Variants in NEMF observed in about 807,000 individuals in gnomAD.
NEMF encodes the protein nuclear export mediator factor, also known as ribosome quality control complex subunit NEMF.
In NEMF, 89 loss-of-function variants were observed where a neutral mutation model predicts 162.2. The observed-to-expected ratio is 0.55, with a 90% confidence interval of 0.46 to 0.65. The LOEUF (loss-of-function observed/expected upper bound fraction) is 0.65, where lower values mean the gene tolerates loss of function less well. NEMF is among the 30% of genes least tolerant of loss of function. NEMF has a pLI of 0.00. For missense variants in NEMF, 1,133 were observed against 1,261.9 expected (o/e 0.90, Z 1.55); for synonymous variants, 421 against 404.5 (o/e 1.04, Z -0.49).
Position 49,800,700 on chromosome 14 carries a change from T to A in NEMF, c.2096-4A>T. ...TCACTGCTCGTGTCACCTCCATCTG[T>A]AGAATTATCATAAGGAAAGTCAGTG... On this transcript the variant is annotated splice_region_variant and splice_polypyrimidine_tract_variant and intron_variant, in intron 22 of 32. Transcript: ENST00000298310. 6.2e-7 allele frequency: 1 copy of A among 1,610,360 alleles called. No homozygotes were observed. The highest frequency in any genetic ancestry group is 8.5e-7 in the Non-Finnish European group (1 of 1,178,234).
At chr14:49,806,293 G>A (rs1170436368) in intron 18 of NEMF, among the ~76,000 whole-genome samples, 160 bp from the exon 19 acceptor site, 1 of 69,230 alleles carries the variant, frequency 1.4e-5, no homozygotes, top group East Asian at 5.3e-4. Context: ...ATGGAGTTTC[G>A]CTCTGTTGTT....
intron 16 of NEMF, among the ~76,000 whole-genome samples, chr14:49,817,169 G>A (rs1368285681): frequency 1.3e-5 from 2 of 152,204 alleles, no homozygotes; most frequent in Admixed American, 6.5e-5. Context: ...CAGGCCAGGC[G>A]CGGTGGCTTA....
chr14:49,800,754 C>T (rs1890916322), intron 22 of NEMF, 58 bp from the exon 23 acceptor site: 2 of 1,475,070 alleles, frequency 1.4e-6, no homozygotes, highest in Admixed American at 4.1e-5. Flanking sequence ...CAGGTGATTT[C>T]CTAAAAATGT....
Position 49,789,566 on chromosome 14 carries a change from A to C in NEMF, c.2627T>G (p.Met876Arg). The C allele has an allele frequency of 6.2e-7, 1 of 1,608,390 alleles. No individual in the cohort carries two copies. Among genetic ancestry groups the C allele is most frequent in the Non-Finnish European group, 8.5e-7 (1 of 1,178,768 alleles). The part of the protein sequence containing the change: ...QPMKRGQKSK[M>R]KKMKEKYKDQ... ...TTTGTATTTTTCTTTCATTTTTTTCATTTTACTCTACAAAATCAGAAGATT... is the reference window on the plus strand; with the variant it reads ...TTTGTATTTTTCTTTCATTTTTTTCCTTTTACTCTACAAAATCAGAAGATT... The change falls in exon 27 of 33, where the codon ATG (methionine) becomes AGG (arginine). Residue 876 changes from methionine to arginine, a missense_variant. Met to Arg is a moderately conservative substitution (Grantham distance 91). Coordinates refer to ENST00000298310, the MANE Select transcript of NEMF (RefSeq NM_004713.6).
Position 49,789,310 on chromosome 14 carries a change from T to A in NEMF, c.2731A>T (p.Lys911Ter). 1.2e-6 allele frequency: 2 copies of A among 1,614,196 alleles called. No individual in the cohort carries two copies. Among genetic ancestry groups the A allele is most frequent in the South Asian group, 1.1e-5 (1 of 91,078 alleles). ...AGSNKEEKGK[K>*]GKKGKTKDEP... ...TCCTTTGTTTTTCCTTTCTTCCCCTTCTTCCCTTTTTCTTCTTTGTTTGAA... is the reference window on the plus strand; with the variant it reads ...TCCTTTGTTTTTCCTTTCTTCCCCTACTTCCCTTTTTCTTCTTTGTTTGAA... The change falls in exon 28 of 33, where the codon AAG becomes TAG. Residue 911 changes from lysine (K) to a stop codon, truncating the protein, a stop_gained. Transcript: ENST00000298310. LOFTEE classifies it high-confidence loss of function.
At chr14:49,808,733 TA>T (rs1249177312) in intron 18 of NEMF, among the ~76,000 whole-genome samples, 1 of 151,082 alleles carries the variant, frequency 6.6e-6, no homozygotes, top group African/African-American at 2.4e-5. Context: ...ATACTACCGT[TA>T]AAAAGTTAAG....
intron 3 of NEMF, among the ~76,000 whole-genome samples, chr14:49,851,209 C>T (rs1484931082): frequency 6.6e-6 from 1 of 151,874 alleles, no homozygotes; most frequent in Admixed American, 6.6e-5. Context: ...TTCTCAAAAA[C>T]GAACAAAAAA....
In NEMF at chr14:49,800,413, T is replaced by A. The variant is rs1405669962; in HGVS notation, c.2372+7A>T. 6.3e-7 allele frequency: 1 copy of A among 1,582,030 alleles called. No homozygotes were observed. The highest frequency in any genetic ancestry group is 1.4e-5 in the African/African-American group (1 of 73,276). On this transcript the variant is annotated splice_region_variant and intron_variant, in intron 23 of 32. Coordinates refer to ENST00000298310, the MANE Select transcript of NEMF (RefSeq NM_004713.6). ...CAATAATATGTAAAATTTTATTTTT[T>A]AATTACCTTTGGGGTTGAAGGTGAG...
At chr14:49,849,686 G>T (rs1893678783) in intron 3 of NEMF, 1 of 152,096 alleles carries the variant, frequency 6.6e-6, no homozygotes, top group South Asian at 2.1e-4. Flanking sequence ...TATTTCATTG[G>T]CCTGTTACCT....
intron 14 of NEMF, 79 bp downstream of exon 14, chr14:49,828,537 A>T: frequency 2.4e-6 from 3 of 1,254,250 alleles, no homozygotes; most frequent in Non-Finnish European, 3.3e-6. Flanking sequence ...AGTGAAATTT[A>T]AAATTTTTTA....
chr14:49,849,326 T>G (rs1220154555), intron 3 of NEMF, among the ~76,000 whole-genome samples: 1 of 152,034 alleles, frequency 6.6e-6, no homozygotes, highest in Non-Finnish European at 1.5e-5. Context: ...TCATGGAGAG[T>G]ACAGATGGAC....
At chr14:49,835,979 T>C (rs141950542) in intron 6 of NEMF, among the ~76,000 whole-genome samples, 1 of 152,318 alleles carries the variant, frequency 6.6e-6, no homozygotes, top group East Asian at 1.9e-4. Context: ...TCTCTCTTCA[T>C]AGAAGACTCA....
intron 28 of NEMF, among the ~76,000 whole-genome samples, chr14:49,788,166 C>A (rs544874279): frequency 7.9e-5 from 12 of 151,246 alleles, no homozygotes; most frequent in African/African-American, 2.7e-4. Flanking sequence ...GTAATCCCAG[C>A]TACTCAGAAG....
intron 5 of NEMF, among the ~76,000 whole-genome samples, chr14:49,840,191 G>T (rs1248957855): frequency 6.6e-6 from 1 of 152,154 alleles, no homozygotes; most frequent in Non-Finnish European, 1.5e-5. Flanking sequence ...ACCGAGCACA[G>T]TGGCTCATGC....
intron 18 of NEMF, 99 bp downstream of exon 18, chr14:49,813,889 C>G: frequency 1.4e-6 from 1 of 716,732 alleles, no homozygotes; most frequent in Non-Finnish European, 2.5e-6. Context: ...CAGGCATGAG[C>G]CACCACATCT....
rs117155489 is a variant in NEMF at position 49,820,475 on chromosome 14, G to C, written c.1577+5392C>G. 9 of 456,632 alleles carry C rather than the reference G, an allele frequency of 2.0e-5. No individual in the cohort carries two copies. In the East Asian group the frequency reaches 5.6e-4, roughly 28 times the overall value. 28.3% of individuals were successfully genotyped at this position (456,632 alleles called of 1,614,324 possible). On this transcript the variant is annotated intron_variant, in intron 16 of 32. Transcript: ENST00000298310. ...TCAGATTCTGAAAGTATTGTATCAA[G>C]AGCTAATAATCGGCTGGGCGCGGTG...
At chr14:49,795,605 C>G (rs896210392) in intron 26 of NEMF, among the ~76,000 whole-genome samples, 186 bp downstream of exon 26, 1 of 152,208 alleles carries the variant, frequency 6.6e-6, no homozygotes, top group Non-Finnish European at 1.5e-5. Flanking sequence ...TCTTGAAAGT[C>G]TAAAGAACTT....
At chr14:49,810,584 AG>A (rs1255934888) in intron 18 of NEMF, among the ~76,000 whole-genome samples, 3 of 152,164 alleles carry the variant, frequency 2.0e-5, no homozygotes, top group African/African-American at 7.2e-5. Context: ...AGGAAACATG[AG>A]TCCTTCAAAA....
chr14:49,810,459 C>T (rs762370969), intron 18 of NEMF, among the ~76,000 whole-genome samples: 22 of 152,136 alleles, frequency 1.4e-4, no homozygotes, highest in Non-Finnish European at 3.1e-4. Context: ...AATTAACTGA[C>T]CATAAACTAC....
Sources: gnomAD v4.1 joint callset for allele counts (sites outside exome capture counted in the v4.1 genomes callset) on GRCh38, gnomAD v4.1.1 for gene constraint, MANE v1.5 for transcripts, NCBI Gene and HGNC (gene_info 2026-07-23, HGNC 2026-07-21) for gene names.